NXN: variants seen among roughly 807,000 people sequenced by gnomAD.
NXN encodes the protein nucleoredoxin.
NXN carries 16 observed loss-of-function variants against 48.6 expected under a neutral mutation model. The observed-to-expected ratio is 0.33, with a 90% confidence interval of 0.22 to 0.50. The LOEUF (loss-of-function observed/expected upper bound fraction) is 0.50, where lower values mean the gene tolerates loss of function less well. Ranked by LOEUF, NXN falls within the 20% of genes least tolerant of loss-of-function variation. NXN has a pLI of 0.98. For synonymous variants in NXN, 281 were observed against 269.6 expected (o/e 1.04, Z -0.41); for missense variants, 492 against 605.5 (o/e 0.81, Z 1.97).
intron 1 of NXN, among the ~76,000 whole-genome samples, chr17:858,419 G>A (rs1197896921): frequency 6.6e-6 from 1 of 152,034 alleles, no homozygotes; most frequent in Non-Finnish European, 1.5e-5. Context: ...GATACTGGAC[G>A]GCTGAGCTAT....
chr17:876,680 C>A (rs1328677067), intron 1 of NXN, among the ~76,000 whole-genome samples: 1 of 152,202 alleles, frequency 6.6e-6, no homozygotes, highest in Non-Finnish European at 1.5e-5. Context: ...CATCTTCATT[C>A]CTCATTTATA....
At chr17:879,328 C>G (rs1002297860) in intron 1 of NXN, among the ~76,000 whole-genome samples, 5 of 147,770 alleles carry the variant, frequency 3.4e-5, no homozygotes, top group African/African-American at 1.2e-4. Context: ...CTCACTCTGT[C>G]ACCCAGTCTG....
At chr17:803,889 G>C (rs1911340885) in intron 6 of NXN, 83 bp from the exon 7 acceptor site, 1 of 1,577,116 alleles carries the variant, frequency 6.3e-7, no homozygotes, top group Non-Finnish European at 8.6e-7. Context: ...GAGGGGGCCT[G>C]AGCTGCAGAA....
At chr17:882,885 C>T (rs2068301375) in intron 1 of NXN, among the ~76,000 whole-genome samples, 1 of 152,076 alleles carries the variant, frequency 6.6e-6, no homozygotes, top group African/African-American at 2.4e-5. Context: ...GCCTCAGCTT[C>T]CCTAGTAGCT....
chr17:953,762 C>G (rs114359978), intron 1 of NXN, among the ~76,000 whole-genome samples: 1 of 150,762 alleles, frequency 6.6e-6, no homozygotes, highest in African/African-American at 2.4e-5. Flanking sequence ...ATAGTGAGAC[C>G]CCCATCTCTA....
Position 819,486 on chromosome 17 carries a change from G to A in NXN, c.773C>T (p.Thr258Met), listed in dbSNP as rs201388018. ...GAGGCGCGACCGCCGGGCCTCATCC[G>A]TGTAGGGGACGGCGAGCCAGGGCAT... ...SEMPWLAVPYTDEARRSRLNR... is the reference protein window; with the variant it reads ...SEMPWLAVPYMDEARRSRLNR... Residue 258 changes from threonine (T) to methionine (M), a missense_variant, in exon 5 of 8, where the codon ACG becomes ATG. By Grantham distance (81) the Thr-to-Met change is moderately conservative. Coordinates refer to ENST00000336868, the MANE Select transcript of NXN (RefSeq NM_022463.5). 4.1e-5 allele frequency: 66 copies of A among 1,613,632 alleles called. No individual in the cohort carries two copies. Among genetic ancestry groups the A allele is most frequent in the Middle Eastern group, 3.3e-4 (2 of 6,082 alleles).
At chr17:916,618 C>T (rs1407774597) in intron 1 of NXN, among the ~76,000 whole-genome samples, 1 of 152,174 alleles carries the variant, frequency 6.6e-6, no homozygotes, top group Non-Finnish European at 1.5e-5. Flanking sequence ...CTGCAAAGCA[C>T]TCAGGATTTT....
chr17:875,285 G>T (rs1824954951), intron 1 of NXN, among the ~76,000 whole-genome samples: 1 of 152,106 alleles, frequency 6.6e-6, no homozygotes, highest in Non-Finnish European at 1.5e-5. Context: ...TCCCATCTCA[G>T]GCTCCCAACC....
intron 1 of NXN, among the ~76,000 whole-genome samples, chr17:939,397 G>A (rs1055737292): frequency 6.8e-6 from 1 of 147,622 alleles, no homozygotes; most frequent in African/African-American, 2.5e-5. Context: ...CCAGGCTGGA[G>A]TGCAGTGGCA....
intron 1 of NXN, among the ~76,000 whole-genome samples, chr17:891,336 G>C (rs2068414856): frequency 6.6e-6 from 1 of 152,210 alleles, no homozygotes. Flanking sequence ...CAAAGTGCTA[G>C]GATTACAGGC....
At chr17:894,031 A>C (rs1447517322) in intron 1 of NXN, among the ~76,000 whole-genome samples, 9 of 103,880 alleles carry the variant, frequency 8.7e-5, no homozygotes, top group African/African-American at 3.5e-4. Flanking sequence ...ACTCCCTGGA[A>C]GCCAGAGGAA....
chr17:909,208 A>G (rs940166371), intron 1 of NXN, among the ~76,000 whole-genome samples: 11 of 151,964 alleles, frequency 7.2e-5, no homozygotes, highest in African/African-American at 2.7e-4. Context: ...AATAATGAAG[A>G]TTAAACAAGA....
At chr17:951,469 T>G (rs1006264132) in intron 1 of NXN, among the ~76,000 whole-genome samples, 2 of 151,614 alleles carry the variant, frequency 1.3e-5, no homozygotes, top group Non-Finnish European at 2.9e-5. Context: ...GCCTGATCTC[T>G]CTGTTGAGAT....
intron 1 of NXN, among the ~76,000 whole-genome samples, chr17:896,549 A>G (rs1343030425): frequency 6.6e-6 from 1 of 152,112 alleles, no homozygotes; most frequent in African/African-American, 2.4e-5. Flanking sequence ...CTATTCCCGT[A>G]CCTCTCCCTG....
intron 1 of NXN, among the ~76,000 whole-genome samples, chr17:933,835 A>T (rs1436915794): frequency 6.6e-6 from 1 of 152,190 alleles, no homozygotes; most frequent in African/African-American, 2.4e-5. Flanking sequence ...ATAAATAAAA[A>T]GCCTCCACAA....
intron 5 of NXN, among the ~76,000 whole-genome samples, chr17:817,362 A>C (rs1912525638): frequency 6.6e-6 from 1 of 152,182 alleles, no homozygotes; most frequent in South Asian, 2.1e-4. Context: ...TAAATGGTGA[A>C]GAAAAAAGGT....
chr17:805,290 C>A (rs1171377561), intron 5 of NXN, 43 bp from the exon 6 acceptor site: 2 of 1,561,954 alleles, frequency 1.3e-6, no homozygotes, highest in South Asian at 2.4e-5. Flanking sequence ...CCGGGAGATG[C>A]TGGCCCTGCC....
At chr17:890,807 A>G (rs1329773543) in intron 1 of NXN, among the ~76,000 whole-genome samples, 1 of 152,066 alleles carries the variant, frequency 6.6e-6, no homozygotes, top group Non-Finnish European at 1.5e-5. Flanking sequence ...CCATATTTAC[A>G]TTCCATAAGG....
intron 1 of NXN, among the ~76,000 whole-genome samples, chr17:940,596 C>T (rs2150605305): frequency 6.6e-6 from 1 of 152,386 alleles, no homozygotes; most frequent in Non-Finnish European, 1.5e-5. Context: ...TCACAACAGC[C>T]CAGCGGGCTT....
Sources: allele counts gnomAD v4.1 joint callset (sites outside exome capture counted in the v4.1 genomes callset), GRCh38; gene constraint gnomAD v4.1.1; transcripts MANE v1.5; gene names NCBI Gene and HGNC (gene_info 2026-07-23, HGNC 2026-07-21).